GRIP1: variants seen among roughly 807,000 people sequenced by gnomAD.
GRIP1 encodes the protein glutamate receptor-interacting protein 1.
GRIP1 carries 45 observed loss-of-function variants against 129.9 expected under a neutral mutation model. That is an observed-to-expected ratio of 0.35 (90% CI 0.27 to 0.44). GRIP1 has a LOEUF of 0.44. Among genes scored for constraint, GRIP1 ranks in the 20% least tolerant of loss-of-function variants. The pLI is 1.00. For missense variants in GRIP1, 1,196 were observed against 1,396.8 expected, an observed-to-expected ratio of 0.86 and a Z score of 2.29; for synonymous variants, 530 against 520.8, an observed-to-expected ratio of 1.02 and a Z score of -0.24.
chr12:66,944,422 T>G (rs1011719735), intron 1 of GRIP1, among the ~76,000 whole-genome samples: 2 of 151,984 alleles, frequency 1.3e-5, no homozygotes, highest in Non-Finnish European at 2.9e-5. Flanking sequence ...AAATTCAAGT[T>G]GATAGGATAC....
At chr12:66,668,361 A>G (rs76785859) in intron 1 of GRIP1, among the ~76,000 whole-genome samples, 2,674 of 152,300 alleles carry the variant, frequency 0.018, 89 homozygotes, top group African/African-American at 0.061. Flanking sequence ...TATAGATTAG[A>G]AAAGACTCAA....
chr12:66,651,213 ACCT>A (rs2032770261), intron 1 of GRIP1, among the ~76,000 whole-genome samples: 3 of 152,180 alleles, frequency 2.0e-5, no homozygotes, highest in Admixed American at 2.0e-4. Context: ...AAGAAAAGAA[ACCT>A]AGAATTTCAT....
upstream of GRIP1, among the ~76,000 whole-genome samples, chr12:66,807,411 C>T (rs1227957983): frequency 6.6e-5 from 10 of 152,212 alleles, no homozygotes; most frequent in South Asian, 1.5e-3. Flanking sequence ...CGGTGGCTCA[C>T]GCCTGTAATC....
At chr12:66,870,752 G>A (rs1178738772) in intron 1 of GRIP1, among the ~76,000 whole-genome samples, 2 of 152,084 alleles carry the variant, frequency 1.3e-5, no homozygotes, top group Non-Finnish European at 1.5e-5. Flanking sequence ...ATGAACAACA[G>A]GATGTAAACT....
intron 1 of GRIP1, among the ~76,000 whole-genome samples, chr12:67,053,667 C>T (rs931278138): frequency 6.6e-6 from 1 of 151,546 alleles, no homozygotes; most frequent in African/African-American, 2.4e-5. Flanking sequence ...CTCATCTCTA[C>T]TAACAAAAAA....
chr12:66,903,018 GT>G (rs910013810), intron 1 of GRIP1, among the ~76,000 whole-genome samples: 5 of 151,918 alleles, frequency 3.3e-5, no homozygotes, highest in East Asian at 1.9e-4. Flanking sequence ...TACAAACACA[GT>G]TTTTTTTAGA....
chr12:67,032,577 T>C (rs555403169), intron 1 of GRIP1, among the ~76,000 whole-genome samples: 1 of 152,206 alleles, frequency 6.6e-6, no homozygotes, highest in Non-Finnish European at 1.5e-5. Context: ...GCCAGATAAT[T>C]CTTTGTTGAT....
intron 1 of GRIP1, among the ~76,000 whole-genome samples, chr12:66,759,644 A>G (rs900266964): frequency 1.4e-5 from 2 of 146,024 alleles, no homozygotes; most frequent in African/African-American, 5.3e-5. Context: ...TCACCTTTTG[A>G]ATGCTTTGCT....
chr12:66,685,536 G>C (rs572606515), intron 1 of GRIP1, among the ~76,000 whole-genome samples: 3 of 152,186 alleles, frequency 2.0e-5, no homozygotes, highest in East Asian at 1.9e-4. Context: ...ATAGACTAAA[G>C]CTGTCTTAAA....
rs561601598 is a variant in GRIP1, at chr12:66,702,515, G to T, written c.-419-72179C>A. Among the ~76,000 whole-genome samples the T allele has an allele frequency of 3.3e-5, 5 of 152,200 alleles. No individual in the cohort carries two copies. In the South Asian group the frequency reaches 8.3e-4, roughly 25 times the overall value. ...ATGAAAGAGTTCATGTATATGGCTT[G>T]CTCTGTGTATTTTACAAGCCCAAAG... On this transcript the variant is annotated intron_variant, in intron 1 of 4. Transcript: ENST00000538373.
rs953303247 is a variant in GRIP1 at position 66,452,518 on chromosome 12, AT to A, written c.1354+2890del. ...TTTAATTTTCATGTGAGAAGATTTC[AT>A]TTTTTTTCTGGGCATCTCCTTCCTT... On this transcript the variant is annotated intron_variant, in intron 11 of 24. Transcript: ENST00000359742. Among the ~76,000 whole-genome samples the A allele has an allele frequency of 3.9e-5, 6 of 151,988 alleles. 1 individual carries two copies. In the South Asian group the frequency reaches 8.3e-4, roughly 21 times the overall value.
chr12:66,394,070 G>A, intron 17 of GRIP1, 138 bp downstream of exon 17: 2 of 881,940 alleles, frequency 2.3e-6, no homozygotes, highest in South Asian at 1.4e-5. Flanking sequence ...AGAGTTCTCA[G>A]GCTCTAAGAT....
intron 1 of GRIP1, among the ~76,000 whole-genome samples, chr12:66,970,402 G>A (rs1471495726): frequency 6.6e-6 from 1 of 152,150 alleles, no homozygotes; most frequent in Non-Finnish European, 1.5e-5. Flanking sequence ...ATTTTCTGTT[G>A]AAAGCTAGAC....
chr12:67,010,445 G>A (rs2042688652), intron 1 of GRIP1, among the ~76,000 whole-genome samples: 1 of 152,054 alleles, frequency 6.6e-6, no homozygotes, highest in African/African-American at 2.4e-5. Context: ...AATGACTATG[G>A]CAAGAAAACA....
At chr12:67,056,044 G>C (rs2043429692) in intron 1 of GRIP1, among the ~76,000 whole-genome samples, 1 of 152,126 alleles carries the variant, frequency 6.6e-6, no homozygotes, top group African/African-American at 2.4e-5. Flanking sequence ...GAGGATATAA[G>C]GGATTTTGCT....
chr12:66,570,175 C>T (rs372200967), intron 2 of GRIP1, among the ~76,000 whole-genome samples: 2 of 152,060 alleles, frequency 1.3e-5, no homozygotes, highest in African/African-American at 4.8e-5. Flanking sequence ...CTGGAGTGCA[C>T]TGGTATGATC....
intron 1 of GRIP1, chr12:67,069,031 G>C: frequency 1.0e-6 from 1 of 967,146 alleles, no homozygotes; most frequent in Non-Finnish European, 1.2e-6. Context: ...TCCCTCCCCG[G>C]CCCCGCCGCC....
chr12:66,513,352 G>A (rs190041585), intron 7 of GRIP1, among the ~76,000 whole-genome samples: 47 of 151,952 alleles, frequency 3.1e-4, no homozygotes, highest in Non-Finnish European at 4.4e-4. Context: ...CAGCTTATTC[G>A]GGTAACCTCA....
chr12:66,647,949 G>C (rs1182548289), intron 1 of GRIP1, among the ~76,000 whole-genome samples: 2 of 152,126 alleles, frequency 1.3e-5, no homozygotes, highest in East Asian at 1.9e-4. Context: ...ATAATCTTTA[G>C]ACCTTGTAGA....
Sources: allele counts gnomAD v4.1 joint callset (sites outside exome capture counted in the v4.1 genomes callset), GRCh38; gene constraint gnomAD v4.1.1; transcripts MANE v1.5; gene names NCBI Gene and HGNC (gene_info 2026-07-23, HGNC 2026-07-21).